SPAG16: variants seen among roughly 807,000 people sequenced by gnomAD.
SPAG16 encodes sperm associated antigen 16.
Under a neutral mutation model 80.4 loss-of-function variants are expected in SPAG16, and 86 were observed. The observed-to-expected ratio is 1.07, with a 90% CI of 0.90 to 1.28. The LOEUF (loss-of-function observed/expected upper bound fraction) is 1.28, where lower values mean the gene tolerates loss of function less well. Ranked by LOEUF, SPAG16 falls within the 50% of genes most tolerant of loss-of-function variation. The pLI is 0.00. For missense variants in SPAG16, 870 were observed against 765.3 expected, an observed-to-expected ratio of 1.14 and a Z score of -1.61; for synonymous variants, 294 against 265.9, an observed-to-expected ratio of 1.11 and a Z score of -1.03.
intron 11 of SPAG16, among the ~76,000 whole-genome samples, chr2:213,879,232 G>A (rs542603301): frequency 6.6e-6 from 1 of 151,840 alleles, no homozygotes; most frequent in South Asian, 2.1e-4. Context: ...ACTGTAGATT[G>A]CTTTGGATAG....
intron 15 of SPAG16, among the ~76,000 whole-genome samples, chr2:214,294,347 G>A (rs1693995347): frequency 6.6e-6 from 1 of 152,138 alleles, no homozygotes; most frequent in East Asian, 1.9e-4. Context: ...AACTGAGAAG[G>A]CTGCCTCATT....
chr2:214,166,412 C>T (rs2056657043), intron 15 of SPAG16, among the ~76,000 whole-genome samples: 1 of 152,142 alleles, frequency 6.6e-6, no homozygotes, highest in East Asian at 1.9e-4. Flanking sequence ...ACTCCCTCCA[C>T]GCCCCCGGGC....
At chr2:213,472,400 CA>C (rs1360993888) in intron 9 of SPAG16, among the ~76,000 whole-genome samples, 9 of 152,268 alleles carry the variant, frequency 5.9e-5, no homozygotes, top group Admixed American at 5.9e-4. Context: ...GATCATTCTC[CA>C]AGATCTATCT....
At chr2:214,030,141 C>T (rs555014773) in intron 13 of SPAG16, among the ~76,000 whole-genome samples, 2 of 152,248 alleles carry the variant, frequency 1.3e-5, no homozygotes, top group Admixed American at 1.3e-4. Flanking sequence ...TTTCCCCCTT[C>T]CGCAGGTCCT....
chr2:213,749,798 A>G (rs2068001112), intron 10 of SPAG16, among the ~76,000 whole-genome samples: 1 of 152,032 alleles, frequency 6.6e-6, no homozygotes, highest in African/African-American at 2.4e-5. Context: ...CTATAAATTT[A>G]TTTTAAAGAC....
intron 15 of SPAG16, among the ~76,000 whole-genome samples, chr2:214,354,759 C>G (rs1158525352): frequency 2.0e-5 from 3 of 152,004 alleles, no homozygotes; most frequent in Non-Finnish European, 4.4e-5. Flanking sequence ...CTCTTTGAAG[C>G]AATTGTGAAT....
At chr2:214,009,701 CA>C (rs1285448140) in intron 12 of SPAG16, among the ~76,000 whole-genome samples, 4 of 151,846 alleles carry the variant, frequency 2.6e-5, no homozygotes, top group Non-Finnish European at 4.4e-5. Flanking sequence ...GAAAGTAAAG[CA>C]AAAAAATGGA....
At chr2:213,411,355 A>G (rs925584524) in intron 9 of SPAG16, among the ~76,000 whole-genome samples, 1 of 152,248 alleles carries the variant, frequency 6.6e-6, no homozygotes, top group South Asian at 2.1e-4. Context: ...GCGACCATTA[A>G]TAAAAATGTA....
chr2:213,877,913 C>G (rs577221291), intron 11 of SPAG16, among the ~76,000 whole-genome samples: 316 of 152,220 alleles, frequency 2.1e-3, no homozygotes, highest in Non-Finnish European at 3.8e-3. Flanking sequence ...CACACTGTCA[C>G]TATCTGTTAT....
intron 15 of SPAG16, among the ~76,000 whole-genome samples, chr2:214,369,315 A>C (rs1405490208): frequency 6.6e-6 from 1 of 152,124 alleles, no homozygotes; most frequent in Non-Finnish European, 1.5e-5. Flanking sequence ...TCTAACATGG[A>C]CCAGAATCTT....
chr2:213,407,275 A>T (rs1161623856), intron 9 of SPAG16, among the ~76,000 whole-genome samples: 2 of 152,016 alleles, frequency 1.3e-5, no homozygotes, highest in Non-Finnish European at 2.9e-5. Context: ...GAAAGGGAGA[A>T]ATAGGTCAAT....
chr2:214,088,386 G>T (rs568287001), intron 13 of SPAG16, among the ~76,000 whole-genome samples: 1 of 152,012 alleles, frequency 6.6e-6, no homozygotes, highest in African/African-American at 2.4e-5. Flanking sequence ...ACTGAAGCCT[G>T]TTCCACAAAG....
chr2:213,640,111 T>A lies in SPAG16; in HGVS notation c.1070+150021T>A, dbSNP rs113905945. ...TTGTGATTCTTTTTTATTTATGATG[T>A]CTATTCTCTGGAGATTTTTTTCATC... On this transcript the variant is annotated intron_variant, in intron 10 of 15. Coordinates refer to ENST00000331683, the MANE Select transcript of SPAG16 (RefSeq NM_024532.5). Among the ~76,000 whole-genome samples, 228 of 152,274 alleles carry A rather than the reference T, an allele frequency of 1.5e-3. 1 individual carries two copies. The highest frequency in any genetic ancestry group is 4.4e-3 in the African/African-American group (183 of 41,576).
chr2:213,463,315 A>G (rs2072486207), intron 9 of SPAG16, among the ~76,000 whole-genome samples: 1 of 152,264 alleles, frequency 6.6e-6, no homozygotes, highest in African/African-American at 2.4e-5. Flanking sequence ...GAGAAATTCA[A>G]GCCAGCTGCA....
At chr2:213,760,985 T>C (rs1451718854) in intron 10 of SPAG16, among the ~76,000 whole-genome samples, 2 of 152,208 alleles carry the variant, frequency 1.3e-5, no homozygotes, top group East Asian at 1.9e-4. Flanking sequence ...GGGAGGACTC[T>C]GCCTGTATGA....
At chr2:213,671,235 G>A (rs114603739) in intron 10 of SPAG16, among the ~76,000 whole-genome samples, 2 of 152,226 alleles carry the variant, frequency 1.3e-5, no homozygotes, top group Non-Finnish European at 2.9e-5. Context: ...TAAATAAGTC[G>A]ATTTAAATAA....
At position 213,607,006 on chromosome 2, in the gene SPAG16, A is replaced by G. The variant is rs539231949; in HGVS notation, c.1070+116916A>G. Among the ~76,000 whole-genome samples the G allele has an allele frequency of 2.6e-5, 4 of 152,368 alleles. No homozygotes were observed. In the South Asian group the frequency reaches 8.3e-4, roughly 32 times the overall value. ...AGAGACACGTAATAGAGTAGAAATC[A>G]GCTGGAGAAGTTTATATTGCATGTG... On this transcript the variant is annotated intron_variant, in intron 10 of 15. Transcript: ENST00000331683.
chr2:213,999,887 A>G (rs1439242267), intron 12 of SPAG16, among the ~76,000 whole-genome samples: 1 of 152,106 alleles, frequency 6.6e-6, no homozygotes, highest in Non-Finnish European at 1.5e-5. Context: ...GTTTGTGCCA[A>G]TTTCTCCCAT....
At chr2:213,421,290 G>A (rs898878395) in intron 9 of SPAG16, among the ~76,000 whole-genome samples, 5 of 152,234 alleles carry the variant, frequency 3.3e-5, no homozygotes, top group African/African-American at 1.2e-4. Flanking sequence ...ACCCAGCCAG[G>A]TGTGCGTGTG....
Sources: gnomAD v4.1 joint callset for allele counts (sites outside exome capture counted in the v4.1 genomes callset) on GRCh38, gnomAD v4.1.1 for gene constraint, MANE v1.5 for transcripts, NCBI Gene and HGNC (gene_info 2026-07-23, HGNC 2026-07-21) for gene names.